LINGO2: variants seen among roughly 807,000 people sequenced by gnomAD.
LINGO2 encodes leucine-rich repeat and immunoglobulin-like domain-containing nogo receptor-interacting protein 2.
In LINGO2, 14 loss-of-function variants were observed where a neutral mutation model predicts 30.6. The ratio of observed to expected loss-of-function variants is 0.46; its 90% CI spans 0.30 to 0.72. The LOEUF is 0.72. Ranked by LOEUF, LINGO2 falls within the 30% of genes least tolerant of loss-of-function variation. The pLI is 0.07. For missense variants in LINGO2, 729 were observed against 751.7 expected, an observed-to-expected ratio of 0.97 and a Z score of 0.35; for synonymous variants, 317 against 288.5, an observed-to-expected ratio of 1.10 and a Z score of -1.00.
intron 5 of LINGO2, among the ~76,000 whole-genome samples, chr9:27,954,957 A>T (rs1156534507): frequency 2.0e-5 from 3 of 152,182 alleles, no homozygotes; most frequent in African/African-American, 7.2e-5. Context: ...CTGGGGTAAG[A>T]TGATCTCTCA....
intron 2 of LINGO2, among the ~76,000 whole-genome samples, chr9:28,433,945 C>CTATATATATATATATATATATATATATA (rs1305896597): frequency 3.5e-5 from 2 of 57,256 alleles, no homozygotes; most frequent in African/African-American, 8.9e-5. Context: ...CTCTCTCTCT[C>CTATATATATATATATATATATATATATA]TCTCTATATA....
rs535160518 is a variant in LINGO2 at position 28,419,677 on chromosome 9, T to TA, written c.-278-46810dup. Among the ~76,000 whole-genome samples the TA allele has an allele frequency of 8.6e-4, 131 of 151,798 alleles. 1 individual carries two copies. Among genetic ancestry groups the TA allele is most frequent in the African/African-American group, 2.7e-3 (111 of 41,458 alleles). ...GAAATAAAACATATTCAGCCAAAAA[T>TA]AAAAAAATCAGCCTTAAGACCAATG... On this transcript the variant is annotated intron_variant, in intron 2 of 5. Transcript: ENST00000379992.
intron 2 of LINGO2, among the ~76,000 whole-genome samples, chr9:28,389,348 ATAT>A (rs1821731524): frequency 6.6e-6 from 1 of 152,174 alleles, no homozygotes; most frequent in African/African-American, 2.4e-5. Context: ...TTGTCTTCAA[ATAT>A]TATTACTTTA....
the LINGO2 span, among the ~76,000 whole-genome samples, chr9:28,729,659 C>A: frequency 6.6e-6 from 1 of 150,966 alleles, no homozygotes. Context: ...TGAAGAAATC[C>A]CTGAAAAAGC....
intron 3 of LINGO2, among the ~76,000 whole-genome samples, chr9:28,345,532 T>C (rs970741887): frequency 6.6e-6 from 1 of 152,176 alleles, no homozygotes; most frequent in African/African-American, 2.4e-5. Context: ...AACTTGATCA[T>C]AGTATAGTGT....
At chr9:28,167,189 C>T (rs1828454711) in intron 4 of LINGO2, among the ~76,000 whole-genome samples, 1 of 142,012 alleles carries the variant, frequency 7.0e-6, no homozygotes, top group African/African-American at 2.6e-5. Context: ...CTGCAAATTC[C>T]AGCAACTTTA....
chr9:29,189,639 G>A, the LINGO2 span, among the ~76,000 whole-genome samples: 2 of 152,146 alleles, frequency 1.3e-5, no homozygotes, highest in South Asian at 4.1e-4. Flanking sequence ...CTGCAATCTC[G>A]GCACTTTGGG....
intron 4 of LINGO2, among the ~76,000 whole-genome samples, chr9:28,271,200 A>C (rs1221659360): frequency 2.0e-5 from 3 of 151,938 alleles, no homozygotes; most frequent in Admixed American, 1.3e-4. Context: ...TAATTTAATC[A>C]CAGTGTAGAA....
chr9:28,193,723 G>A (rs1193069900), intron 4 of LINGO2, among the ~76,000 whole-genome samples: 1 of 152,158 alleles, frequency 6.6e-6, no homozygotes, highest in Non-Finnish European at 1.5e-5. Context: ...CAACAGTTCT[G>A]TGGGTCACAA....
the LINGO2 span, among the ~76,000 whole-genome samples, chr9:29,070,535 C>T: frequency 2.6e-5 from 4 of 152,072 alleles, no homozygotes; most frequent in Non-Finnish European, 4.4e-5. Context: ...AGGCTACCAT[C>T]GCAGGGTAGG....
At chr9:28,296,559 G>T (rs1368873496) in intron 3 of LINGO2, among the ~76,000 whole-genome samples, 15 of 152,172 alleles carry the variant, frequency 9.9e-5, no homozygotes, top group Non-Finnish European at 5.9e-5. Context: ...CCAGAAGTCA[G>T]TGTGGAGACT....
the LINGO2 span, among the ~76,000 whole-genome samples, chr9:28,714,725 A>AT: frequency 5.3e-5 from 8 of 152,112 alleles, no homozygotes; most frequent in South Asian, 2.1e-4. Context: ...AATGGTTTTG[A>AT]TAAGTTTGAG....
chr9:28,752,422 A>C, the LINGO2 span, among the ~76,000 whole-genome samples: 2 of 152,066 alleles, frequency 1.3e-5, no homozygotes, highest in African/African-American at 4.8e-5. Context: ...GTGAGTAGAG[A>C]ACATTTGATG....
At chr9:28,897,219 T>C in the LINGO2 span, among the ~76,000 whole-genome samples, 7 of 152,108 alleles carry the variant, frequency 4.6e-5, no homozygotes, top group Non-Finnish European at 1.0e-4. Flanking sequence ...CATTAGTAAA[T>C]GGACATAGTT....
intron 5 of LINGO2, among the ~76,000 whole-genome samples, chr9:27,986,560 G>T (rs1821133981): frequency 6.6e-6 from 1 of 151,762 alleles, no homozygotes; most frequent in African/African-American, 2.4e-5. Flanking sequence ...AAGGGTCTAT[G>T]TTAGGAAAAA....
chr9:28,131,182 A>AG (rs1563992268), intron 4 of LINGO2, among the ~76,000 whole-genome samples: 1 of 151,858 alleles, frequency 6.6e-6, no homozygotes, highest in African/African-American at 2.4e-5. Flanking sequence ...AAAAAAAAAA[A>AG]CATGAGTGAT....
chr9:28,388,540 AATTTT>A (rs1262890205), intron 2 of LINGO2, among the ~76,000 whole-genome samples: 2 of 152,296 alleles, frequency 1.3e-5, no homozygotes, highest in East Asian at 1.9e-4. Context: ...GGACTTTTCC[AATTTT>A]ATTTGTTCCA....
intron 3 of LINGO2, among the ~76,000 whole-genome samples, chr9:28,320,737 A>C (rs1445631957): frequency 1.3e-5 from 2 of 152,132 alleles, no homozygotes; most frequent in African/African-American, 4.8e-5. Flanking sequence ...CTTCTCAAAG[A>C]TCCAATTCAA....
intron 4 of LINGO2, among the ~76,000 whole-genome samples, chr9:28,213,585 G>C (rs1329487283): frequency 6.6e-6 from 1 of 151,224 alleles, no homozygotes; most frequent in African/African-American, 2.4e-5. Flanking sequence ...AAAAGAAGCA[G>C]AGGACATTTG....
Sources: allele counts gnomAD v4.1 joint callset (sites outside exome capture counted in the v4.1 genomes callset), GRCh38; gene constraint gnomAD v4.1.1; transcripts MANE v1.5; gene names NCBI Gene and HGNC (gene_info 2026-07-23, HGNC 2026-07-21).